GRID2: variants seen among roughly 807,000 people sequenced by gnomAD.
The protein encoded by GRID2 is glutamate ionotropic receptor delta type subunit 2, also known as glutamate receptor ionotropic, delta-2.
GRID2 carries 33 observed loss-of-function variants against 114.8 expected under a neutral mutation model. That is an observed-to-expected ratio of 0.29 (90% CI 0.22 to 0.38). The LOEUF is 0.38. GRID2 is among the 10% of genes least tolerant of loss of function. GRID2 has a pLI of 1.00. For synonymous variants in GRID2, 505 were observed against 449.9 expected (o/e 1.12, Z -1.55); for missense variants, 1,184 against 1,257.7 (o/e 0.94, Z 0.89).
intron 3 of GRID2, among the ~76,000 whole-genome samples, chr4:93,093,295 C>A (rs889178713): frequency 1.3e-5 from 2 of 151,944 alleles, no homozygotes; most frequent in African/African-American, 4.8e-5. Context: ...ATGGATGTAC[C>A]TGGTAGCCAT....
chr4:93,782,167 G>A (rs557228104), intron 1 of GRID2, among the ~76,000 whole-genome samples: 15 of 152,068 alleles, frequency 9.9e-5, no homozygotes, highest in African/African-American at 3.6e-4. Context: ...GACTCAAATC[G>A]CTATCTTGAA....
chr4:92,936,567 A>T (rs1398117849), intron 2 of GRID2, among the ~76,000 whole-genome samples: 1 of 146,160 alleles, frequency 6.8e-6, no homozygotes, highest in Admixed American at 7.5e-5. Flanking sequence ...TGTGGTTTCC[A>T]GTTGCTTTGA....
intron 1 of GRID2, among the ~76,000 whole-genome samples, chr4:92,405,931 G>A (rs897992969): frequency 5.9e-5 from 9 of 152,070 alleles, no homozygotes; most frequent in South Asian, 2.1e-4. Flanking sequence ...ACAACAGGCC[G>A]TCTGCAAGCT....
chr4:92,393,389 A>T (rs1730342686), intron 1 of GRID2, among the ~76,000 whole-genome samples: 1 of 152,150 alleles, frequency 6.6e-6, no homozygotes, highest in South Asian at 2.1e-4. Context: ...TCTCTCTTCA[A>T]GTTTGAACAA....
chr4:93,236,178 A>G (rs1345331147), intron 7 of GRID2, among the ~76,000 whole-genome samples: 2 of 152,068 alleles, frequency 1.3e-5, no homozygotes, highest in African/African-American at 4.8e-5. Flanking sequence ...TGATAATAAG[A>G]TGCACTGCAC....
intron 14 of GRID2, among the ~76,000 whole-genome samples, chr4:93,634,123 C>T (rs1721197313): frequency 6.6e-6 from 1 of 152,128 alleles, no homozygotes; most frequent in African/African-American, 2.4e-5. Flanking sequence ...AAACATTAAG[C>T]AATATCAAAG....
rs149954405 is a variant in GRID2 at position 93,783,213 on chromosome 4, TG to T, written c.221+13764del. 7.4e-4 allele frequency among the ~76,000 whole-genome samples: 112 copies of T among 152,362 alleles called. No individual in the cohort carries two copies. In the East Asian group the frequency reaches 0.021, roughly 28 times the overall value. ...GGCTCAGTGCTAGGCACTATGTAGG[TG>T]TTTCACCTGAGTCTCGTAATAACCC... On this transcript the variant is annotated intron_variant, in intron 1 of 1. Transcript: ENST00000637838.
At chr4:93,655,577 AT>A (rs1722929331) in intron 14 of GRID2, among the ~76,000 whole-genome samples, 1 of 152,154 alleles carries the variant, frequency 6.6e-6, no homozygotes. Flanking sequence ...TGCTTACTCT[AT>A]TTCTAGAAAT....
chr4:93,147,466 G>A (rs1048192051), intron 4 of GRID2, among the ~76,000 whole-genome samples: 2 of 152,112 alleles, frequency 1.3e-5, no homozygotes, highest in Non-Finnish European at 2.9e-5. Flanking sequence ...AAAAGAAAAT[G>A]TACTTTTTTT....
rs200184543 is a variant in GRID2 at position 92,586,355 on chromosome 4, TACACACACACAC to T, written c.89-3748_89-3737del. 5.8e-3 allele frequency among the ~76,000 whole-genome samples: 846 copies of T among 146,006 alleles called. 5 individuals carry two copies. Among genetic ancestry groups the T allele is most frequent in the African/African-American group, 0.016 (647 of 40,226 alleles). On this transcript the variant is annotated intron_variant, in intron 1 of 15. Transcript: ENST00000282020. The stretch of plus-strand genomic sequence containing the variant: ...TGACTTATTTCAAGCACAAAAAATC[TACACACACACAC>T]ACACACACACACACACACACACACA...
At chr4:92,869,102 TTC>T (rs1745097922) in intron 2 of GRID2, among the ~76,000 whole-genome samples, 2 of 152,170 alleles carry the variant, frequency 1.3e-5, no homozygotes, top group Admixed American at 1.3e-4. Flanking sequence ...CTCTGCCTCT[TTC>T]TCTCTTTCTT....
chr4:92,804,069 A>G (rs1395706759), intron 2 of GRID2, among the ~76,000 whole-genome samples: 1 of 152,002 alleles, frequency 6.6e-6, no homozygotes, highest in East Asian at 2.0e-4. Flanking sequence ...GTGTCATTAC[A>G]TCGTATTCTT....
chr4:93,143,639 T>C (rs948042256), intron 4 of GRID2, among the ~76,000 whole-genome samples: 1 of 152,186 alleles, frequency 6.6e-6, no homozygotes, highest in Non-Finnish European at 1.5e-5. Flanking sequence ...CTTCTTAATT[T>C]ATAAAAAAAT....
chr4:92,375,767 T>C lies in GRID2; in HGVS notation c.88+71023T>C, dbSNP rs115590104. 2.9e-3 allele frequency among the ~76,000 whole-genome samples: 439 copies of C among 152,260 alleles called. 1 individual carries two copies. Among genetic ancestry groups the C allele is most frequent in the African/African-American group, 1.0e-2 (415 of 41,550 alleles). ...CAACTGTGAAATAGGCTGGACTTTGTTGGAAATCCAAAAGCATGAGGAAAT... is the reference window on the plus strand; with the variant it reads ...CAACTGTGAAATAGGCTGGACTTTGCTGGAAATCCAAAAGCATGAGGAAAT... On this transcript the variant is annotated intron_variant, in intron 1 of 15. Transcript: ENST00000282020.
intron 1 of GRID2, among the ~76,000 whole-genome samples, chr4:93,803,721 C>CA (rs879710225): frequency 3.5e-3 from 477 of 137,008 alleles, no homozygotes; most frequent in Non-Finnish European, 4.2e-3. Context: ...GACTTCGTCT[C>CA]AAAAAAAAAA....
chr4:93,505,561 T>A (rs1728546612), intron 12 of GRID2, among the ~76,000 whole-genome samples: 1 of 149,938 alleles, frequency 6.7e-6, no homozygotes, highest in Admixed American at 6.7e-5. Flanking sequence ...TACTAGGACC[T>A]TTTATAGTGA....
chr4:92,704,727 C>T (rs1317173104), intron 2 of GRID2, among the ~76,000 whole-genome samples: 17 of 145,470 alleles, frequency 1.2e-4, no homozygotes, highest in African/African-American at 4.6e-4. Flanking sequence ...CTCTCTTTCT[C>T]TCTCTCTCTC....
At chr4:92,383,549 G>A (rs973154971) in intron 1 of GRID2, among the ~76,000 whole-genome samples, 1 of 151,888 alleles carries the variant, frequency 6.6e-6, no homozygotes, top group African/African-American at 2.4e-5. Flanking sequence ...GGTATAGAAA[G>A]CCCCCTTAAA....
intron 8 of GRID2, among the ~76,000 whole-genome samples, chr4:93,316,943 T>TTAACA (rs1756721052): frequency 6.6e-6 from 1 of 152,136 alleles, no homozygotes; most frequent in African/African-American, 2.4e-5. Context: ...ATTCTTCATA[T>TTAACA]TAACATATGC....
Sources: allele counts gnomAD v4.1 joint callset (sites outside exome capture counted in the v4.1 genomes callset), GRCh38; gene constraint gnomAD v4.1.1; transcripts MANE v1.5; gene names NCBI Gene and HGNC (gene_info 2026-07-23, HGNC 2026-07-21).